Variants in ZKSCAN1 observed in about 807,000 individuals in gnomAD.
ZKSCAN1 encodes zinc finger protein with KRAB and SCAN domains 1.
A neutral mutation model predicts 51.6 loss-of-function variants in ZKSCAN1; 14 were observed. The ratio of observed to expected loss-of-function variants is 0.27; its 90% CI spans 0.18 to 0.42. The LOEUF (loss-of-function observed/expected upper bound fraction) is 0.42. Among genes scored for constraint, ZKSCAN1 ranks in the 10% least tolerant of loss-of-function variants. The pLI, the probability that ZKSCAN1 is intolerant of heterozygous loss-of-function variation, is 1.00. For synonymous variants in ZKSCAN1, 263 were observed against 261.5 expected, an observed-to-expected ratio of 1.01 and a Z score of -0.06; for missense variants, 531 against 710.0, an observed-to-expected ratio of 0.75 and a Z score of 2.86.
In ZKSCAN1 at chr7:100,041,270, C is replaced by T. The variant is rs1791582174; in HGVS notation, c.*7073C>T. 1 of 972,216 alleles carries T rather than the reference C, an allele frequency of 1.0e-6. No individual in the cohort carries two copies. The allele number at this position is 972,216 out of a possible 1,614,324, so 60.2% of individuals were successfully genotyped here. Reference sequence around the variant, plus strand: ...TACTGTTGTTAAAACTGGATTTTTTCATTTTACTAGGTTCCGAAGAGTCCA... The same window carrying T: ...TACTGTTGTTAAAACTGGATTTTTTTATTTTACTAGGTTCCGAAGAGTCCA... On this transcript the variant is annotated 3_prime_UTR_variant, in exon 6 of 6. Coordinates refer to ENST00000324306, the MANE Select transcript of ZKSCAN1 (RefSeq NM_003439.4).
downstream of ZKSCAN1, chr7:100,044,708 A>ATTT: frequency 7.4e-6 from 3 of 405,468 alleles, no homozygotes; most frequent in Non-Finnish European, 9.9e-6. Context: ...AAAAAAAAGT[A>ATTT]GCACTGAATA....
rs1420146495 is a variant in ZKSCAN1 at position 100,037,540 on chromosome 7, A to C, written c.*3343A>C. 2 of 985,484 alleles carry C rather than the reference A, an allele frequency of 2.0e-6. No individual in the cohort carries two copies. The highest frequency in any genetic ancestry group is 2.4e-6 in the Non-Finnish European group (2 of 829,934). The allele number at this position is 985,484 out of a possible 1,614,324, so 61.0% of individuals were successfully genotyped here. A position where few individuals can be genotyped will look rare whatever the true frequency, so the allele number is the denominator to read the frequency against. On this transcript the variant is annotated 3_prime_UTR_variant, in exon 6 of 6. Coordinates refer to ENST00000324306, the MANE Select transcript of ZKSCAN1 (RefSeq NM_003439.4). ...TCCAGAAAGGAGCCTCCTGAATGTG[A>C]TGAATACGGCAAAGCCTTTAATCAC...
At position 100,040,757 on chromosome 7, in the gene ZKSCAN1, G is replaced by A; in HGVS notation, c.*6560G>A. On this transcript the variant is annotated 3_prime_UTR_variant, in exon 6 of 6. Coordinates refer to ENST00000324306, the MANE Select transcript of ZKSCAN1 (RefSeq NM_003439.4). Reference sequence around the variant, plus strand: ...AGGCTGTTGGGGTGTGCTGGGGTTGGTACCCGAGCGCCTTCCCCTCACCTC... The same window carrying A: ...AGGCTGTTGGGGTGTGCTGGGGTTGATACCCGAGCGCCTTCCCCTCACCTC... The A allele has an allele frequency of 1.0e-6, 1 of 985,480 alleles. No individual in the cohort carries two copies. The highest frequency in any genetic ancestry group is 1.7e-5 in the African/African-American group (1 of 57,364). 61.0% of individuals were successfully genotyped at this position (985,480 alleles called of 1,614,324 possible). A position where few individuals can be genotyped will look rare whatever the true frequency, so the allele number is the denominator to read the frequency against.
intron 1 of ZKSCAN1, among the ~76,000 whole-genome samples, chr7:100,020,738 G>A (rs1171700965): frequency 6.6e-6 from 1 of 152,170 alleles, no homozygotes; most frequent in Admixed American, 6.5e-5. Context: ...TTTAGTGAGA[G>A]CCATAAAACT....
Position 100,041,436 on chromosome 7 carries a change from A to G in ZKSCAN1, c.*7239A>G, listed in dbSNP as rs1426579973. 5.1e-6 allele frequency: 5 copies of G among 985,222 alleles called. No homozygotes were observed. Among genetic ancestry groups the G allele is most frequent in the Non-Finnish European group, 6.0e-6 (5 of 829,934 alleles). The allele number at this position is 985,222 out of a possible 1,614,324, so 61.0% of individuals were successfully genotyped here. The stretch of plus-strand genomic sequence containing the variant: ...AAAGTGGTTTTTTAAAAGCTAGGGA[A>G]CTCCTCCACTAAAAGTAACCATTGG... On this transcript the variant is annotated 3_prime_UTR_variant, in exon 6 of 6. Transcript: ENST00000324306.
At chr7:100,029,795 G>T in intron 3 of ZKSCAN1, 66 bp from the exon 4 acceptor site, 1 of 1,483,320 alleles carries the variant, frequency 6.7e-7, no homozygotes, top group South Asian at 1.2e-5. Context: ...AACATGCCCC[G>T]AGCCCTTCTT....
intron 3 of ZKSCAN1, among the ~76,000 whole-genome samples, chr7:100,029,307 C>T (rs889889202): frequency 2.0e-5 from 3 of 152,016 alleles, no homozygotes; most frequent in Non-Finnish European, 4.4e-5. Context: ...ACTCTATCAT[C>T]CAGGCTGGAG....
chr7:100,035,593 C>T lies in ZKSCAN1; in HGVS notation c.*1396C>T, dbSNP rs1268585920. 1.3e-5 allele frequency: 2 copies of T among 153,450 alleles called. No homozygotes were observed. Among genetic ancestry groups the T allele is most frequent in the Non-Finnish European group, 2.9e-5 (2 of 69,268 alleles). 9.5% of individuals were successfully genotyped at this position (153,450 alleles called of 1,614,324 possible). A position where few individuals can be genotyped will look rare whatever the true frequency, so the allele number is the denominator to read the frequency against. ...AGGAACGTGGTAGGGAGTGTTTTTT[C>T]CCACGCTTTTCCAGTAACTTTGCAA... On this transcript the variant is annotated 3_prime_UTR_variant, in exon 6 of 6. Transcript: ENST00000324306.
downstream of ZKSCAN1, among the ~76,000 whole-genome samples, chr7:100,043,771 A>ATT (rs772298225): frequency 9.2e-3 from 540 of 58,928 alleles, 77 homozygotes; most frequent in Non-Finnish European, 0.012. Context: ...TTCTTTCTTG[A>ATT]TTTTTTTTTT....
chr7:100,041,507 G>A lies in ZKSCAN1; in HGVS notation c.*7310G>A, dbSNP rs1375594746. 2.0e-6 allele frequency: 2 copies of A among 985,276 alleles called. No individual in the cohort carries two copies. Among genetic ancestry groups the A allele is most frequent in the Non-Finnish European group, 2.4e-6 (2 of 829,944 alleles). 61.0% of individuals were successfully genotyped at this position (985,276 alleles called of 1,614,324 possible). ...AGTTTTAATCATAAGAGAAAAGGCA[G>A]CATAATGAAATGTGTACACATACAT... On this transcript the variant is annotated 3_prime_UTR_variant, in exon 6 of 6. Transcript: ENST00000324306.
At position 100,039,884 on chromosome 7, in the gene ZKSCAN1, A is replaced by C. The variant is rs1791520800; in HGVS notation, c.*5687A>C. 1.0e-6 allele frequency: 1 copy of C among 984,244 alleles called. No homozygotes were observed. Among genetic ancestry groups the C allele is most frequent in the Non-Finnish European group, 1.2e-6 (1 of 828,940 alleles). The allele number at this position is 984,244 out of a possible 1,614,324, so 61.0% of individuals were successfully genotyped here. On this transcript the variant is annotated 3_prime_UTR_variant, in exon 6 of 6. Coordinates refer to ENST00000324306, the MANE Select transcript of ZKSCAN1 (RefSeq NM_003439.4). ...AGAAAAAGAAAAGTCAGTGATATAA[A>C]TAGATCATTTCATAGAAATTAGGGT...
At chr7:100,030,114 C>A (rs1409251870) in intron 4 of ZKSCAN1, 135 bp from the exon 5 acceptor site, 4 of 1,443,430 alleles carry the variant, frequency 2.8e-6, no homozygotes, top group Middle Eastern at 2.4e-4. Flanking sequence ...TCCCCTCCAC[C>A]CCCAGGTTCT....
Position 100,040,898 on chromosome 7 carries a change from CTA to C in ZKSCAN1, c.*6703_*6704del. 3.0e-6 allele frequency: 3 copies of C among 984,792 alleles called. No individual in the cohort carries two copies. The highest frequency in any genetic ancestry group is 3.6e-6 in the Non-Finnish European group (3 of 829,712). The allele number at this position is 984,792 out of a possible 1,614,324, so 61.0% of individuals were successfully genotyped here. A position where few individuals can be genotyped will look rare whatever the true frequency, so the allele number is the denominator to read the frequency against. Reference sequence around the variant, plus strand: ...CGCAGGGGTTCTTATTTGAAAACATCTATGATGGGGGTGGGGTGGGAGGAGAC... The same window carrying C: ...CGCAGGGGTTCTTATTTGAAAACATCTGATGGGGGTGGGGTGGGAGGAGAC... On this transcript the variant is annotated 3_prime_UTR_variant, in exon 6 of 6. Coordinates refer to ENST00000324306, the MANE Select transcript of ZKSCAN1 (RefSeq NM_003439.4).
rs1193992167 is a variant in ZKSCAN1, at chr7:100,029,936, T to A, written c.656T>A (p.Phe219Tyr). 6.2e-7 allele frequency: 1 copy of A among 1,614,192 alleles called. No homozygotes were observed. The highest frequency in any genetic ancestry group is 8.5e-7 in the Non-Finnish European group (1 of 1,180,016). Residue 219 changes from phenylalanine (F) to tyrosine (Y), a missense_variant, in exon 4 of 6, where the codon TTC becomes TAC. Transcript: ENST00000324306. ...GACCAGGCGATGGCATCTGCACTAT[T>A]CACAGCGGATTCCCAGGTGAGCTGT... ...PRDQAMASALFTADSQAMVKI... is the reference protein window; with the variant it reads ...PRDQAMASALYTADSQAMVKI...
chr7:100,016,608 A>G lies in ZKSCAN1; in HGVS notation c.-89+882A>G, dbSNP rs78351654. Among the ~76,000 whole-genome samples the G allele has an allele frequency of 1.1e-3, 160 of 152,304 alleles. 1 individual carries two copies. The highest frequency in any genetic ancestry group is 3.4e-3 in the African/African-American group (141 of 41,558). On this transcript the variant is annotated intron_variant, in intron 1 of 5. Transcript: ENST00000324306. The stretch of plus-strand genomic sequence containing the variant: ...TTCCGACTTCGAAATGATTTGGTCA[A>G]TGTAATTGAAGAATTAACTACAGTT...
intron 1 of ZKSCAN1, among the ~76,000 whole-genome samples, chr7:100,017,394 T>A (rs1183138715): frequency 4.6e-5 from 7 of 152,202 alleles, no homozygotes; most frequent in African/African-American, 1.7e-4. Flanking sequence ...GGCTGATTTT[T>A]GTATTTTTAG....
intron 3 of ZKSCAN1, chr7:100,024,530 G>A: frequency 3.8e-6 from 2 of 529,850 alleles, no homozygotes; most frequent in Admixed American, 3.4e-5. Flanking sequence ...GGAGGTTGAG[G>A]CTGCAGTGAG....
chr7:100,029,024 C>T (rs1386389323), intron 3 of ZKSCAN1, among the ~76,000 whole-genome samples: 4 of 151,970 alleles, frequency 2.6e-5, no homozygotes, highest in Middle Eastern at 3.4e-3. Flanking sequence ...ATTAGCTGGG[C>T]GTGGTGGCTC....
chr7:100,038,042 G>C lies in ZKSCAN1; in HGVS notation c.*3845G>C, dbSNP rs1211121948. On this transcript the variant is annotated 3_prime_UTR_variant, in exon 6 of 6. Coordinates refer to ENST00000324306, the MANE Select transcript of ZKSCAN1 (RefSeq NM_003439.4). ...GTATCAAAAAAAAAAGTTGCGGGGG[G>C]GTGCTCAATCTTAACTGCAGAGGAT... 1.0e-6 allele frequency: 1 copy of C among 984,862 alleles called. No individual in the cohort carries two copies. The highest frequency in any genetic ancestry group is 1.8e-5 in the African/African-American group (1 of 57,096). The allele number at this position is 984,862 out of a possible 1,614,324, so 61.0% of individuals were successfully genotyped here. A position where few individuals can be genotyped will look rare whatever the true frequency, so the allele number is the denominator to read the frequency against.
Sources: allele counts gnomAD v4.1 joint callset (sites outside exome capture counted in the v4.1 genomes callset), GRCh38; gene constraint gnomAD v4.1.1; transcripts MANE v1.5; gene names NCBI Gene and HGNC (gene_info 2026-07-23, HGNC 2026-07-21).